The following TCF12 variants were observed in gnomAD, a reference collection of about 807,000 sequenced individuals.
TCF12 encodes the protein transcription factor 12.
TCF12 carries 45 observed loss-of-function variants against 86.0 expected under a neutral mutation model. That is an observed-to-expected ratio of 0.52 (90% CI 0.41 to 0.67). The LOEUF (loss-of-function observed/expected upper bound fraction) is 0.67. Ranked by LOEUF, TCF12 falls within the 30% of genes least tolerant of loss-of-function variation. The pLI is 0.00. For synonymous variants in TCF12, 330 were observed against 299.6 expected, an observed-to-expected ratio of 1.10 and a Z score of -1.05; for missense variants, 881 against 859.9, an observed-to-expected ratio of 1.02 and a Z score of -0.31.
intron 3 of TCF12, among the ~76,000 whole-genome samples, chr15:56,958,947 T>C (rs1470168195): frequency 6.6e-6 from 1 of 152,194 alleles, no homozygotes; most frequent in African/African-American, 2.4e-5. Flanking sequence ...ATTGTGAAAC[T>C]GGAAATGAGT....
intron 5 of TCF12, among the ~76,000 whole-genome samples, chr15:57,106,612 C>T (rs1292113328): frequency 6.6e-6 from 1 of 151,850 alleles, no homozygotes; most frequent in African/African-American, 2.4e-5. Context: ...GTAAATTGCT[C>T]AAGGTAATGA....
At chr15:57,033,695 A>G (rs1440041983) in intron 3 of TCF12, among the ~76,000 whole-genome samples, 1 of 152,200 alleles carries the variant, frequency 6.6e-6, no homozygotes, top group Non-Finnish European at 1.5e-5. Flanking sequence ...TTCTACGTAT[A>G]GAATTTTATG....
intron 3 of TCF12, among the ~76,000 whole-genome samples, chr15:56,938,175 CT>C (rs1322977821): frequency 7.3e-6 from 1 of 137,322 alleles, no homozygotes; most frequent in African/African-American, 2.7e-5. Context: ...TTTTTCTTCT[CT>C]TTTTTTCTTT....
chr15:57,073,975 C>CT (rs1244837541), intron 4 of TCF12, among the ~76,000 whole-genome samples: 1 of 152,124 alleles, frequency 6.6e-6, no homozygotes, highest in African/African-American at 2.4e-5. Context: ...TGGTCTCGAT[C>CT]TCCTGACCTC....
intron 3 of TCF12, among the ~76,000 whole-genome samples, chr15:56,961,962 C>G (rs543129663): frequency 6.6e-6 from 1 of 151,750 alleles, no homozygotes; most frequent in East Asian, 1.9e-4. Context: ...AACCCCGTCT[C>G]TACTAAAAAT....
intron 4 of TCF12, among the ~76,000 whole-genome samples, chr15:57,089,366 T>A (rs1326371513): frequency 6.6e-6 from 1 of 152,146 alleles, no homozygotes; most frequent in East Asian, 1.9e-4. Context: ...AACTCTTGCT[T>A]GTATTTGAGG....
rs932565797 is a variant in TCF12, at chr15:57,211,696, G to A, written c.579+13871G>A. Among the ~76,000 whole-genome samples, 7 of 152,218 alleles carry A rather than the reference G, an allele frequency of 4.6e-5. No homozygotes were observed. In the South Asian group the frequency reaches 1.4e-3, roughly 31 times the overall value. On this transcript the variant is annotated intron_variant, in intron 8 of 20. Transcript: ENST00000333725. The stretch of plus-strand genomic sequence containing the variant: ...AGGCTGGGCATGGTGGCCCATGCCT[G>A]TAATCTCAGCACTTTGGGAAGTCGA...
chr15:56,958,341 C>CT (rs1211271526), intron 3 of TCF12, among the ~76,000 whole-genome samples: 1 of 152,106 alleles, frequency 6.6e-6, no homozygotes, highest in Non-Finnish European at 1.5e-5. Flanking sequence ...GATGACTGTC[C>CT]TTTGTTGCCT....
At chr15:56,920,694 C>T (rs2059752613) in intron 2 of TCF12, among the ~76,000 whole-genome samples, 2 of 151,990 alleles carry the variant, frequency 1.3e-5, no homozygotes, top group Non-Finnish European at 1.5e-5. Flanking sequence ...ATAATTCTGA[C>T]TGTGTATATT....
At chr15:57,009,921 G>A (rs1428359172) in intron 3 of TCF12, among the ~76,000 whole-genome samples, 1 of 152,104 alleles carries the variant, frequency 6.6e-6, no homozygotes, top group Non-Finnish European at 1.5e-5. Flanking sequence ...GATGAAATAA[G>A]GTATTTGGAT....
intron 3 of TCF12, among the ~76,000 whole-genome samples, chr15:56,925,294 A>G (rs1161734575): frequency 2.4e-5 from 3 of 126,380 alleles, no homozygotes; most frequent in East Asian, 2.6e-4. Flanking sequence ...TGGATTTGAA[A>G]AACAATTTGA....
chr15:57,049,401 A>G (rs1260545279), intron 3 of TCF12, among the ~76,000 whole-genome samples: 2 of 151,992 alleles, frequency 1.3e-5, no homozygotes, highest in East Asian at 1.9e-4. Context: ...CCAAACAACC[A>G]TTGTTTTGAT....
chr15:56,969,342 A>G (rs1477221960), intron 3 of TCF12, among the ~76,000 whole-genome samples: 2 of 152,124 alleles, frequency 1.3e-5, no homozygotes, highest in East Asian at 3.9e-4. Context: ...GAGACTACAG[A>G]AGATGTGATT....
intron 17 of TCF12, 148 bp from the exon 18 acceptor site, chr15:57,262,964 A>G (rs1396298585): frequency 4.0e-6 from 3 of 747,298 alleles, no homozygotes; most frequent in Non-Finnish European, 6.3e-6. Context: ...TCAGCTCTAA[A>G]TAGTATACTT....
At chr15:57,221,739 G>T (rs1326333337) in intron 8 of TCF12, among the ~76,000 whole-genome samples, 1 of 152,010 alleles carries the variant, frequency 6.6e-6, no homozygotes, top group Non-Finnish European at 1.5e-5. Flanking sequence ...AGACTTGTAT[G>T]TATTTTATTT....
chr15:57,138,425 T>C (rs2052712664), intron 5 of TCF12, among the ~76,000 whole-genome samples: 1 of 152,196 alleles, frequency 6.6e-6, no homozygotes, highest in South Asian at 2.1e-4. Context: ...CTTAAAACCT[T>C]CAGAAGTCAT....
intron 8 of TCF12, among the ~76,000 whole-genome samples, chr15:57,198,346 G>A (rs1413842997): frequency 6.6e-6 from 1 of 152,100 alleles, no homozygotes; most frequent in African/African-American, 2.4e-5. Flanking sequence ...GGGTTTTAAA[G>A]CCTTCATTAA....
chr15:57,174,528 T>A (rs1298574006), intron 6 of TCF12, among the ~76,000 whole-genome samples: 2 of 152,218 alleles, frequency 1.3e-5, no homozygotes, highest in South Asian at 4.1e-4. Context: ...TTCTCATCAT[T>A]TTATGTTTTG....
At chr15:56,961,698 G>T (rs1329014868) in intron 3 of TCF12, among the ~76,000 whole-genome samples, 1 of 152,146 alleles carries the variant, frequency 6.6e-6, no homozygotes, top group Non-Finnish European at 1.5e-5. Context: ...ATACAGCATG[G>T]TAAAAAAGTA....
Sources: allele counts gnomAD v4.1 joint callset (sites outside exome capture counted in the v4.1 genomes callset), GRCh38; gene constraint gnomAD v4.1.1; transcripts MANE v1.5; gene names NCBI Gene and HGNC (gene_info 2026-07-23, HGNC 2026-07-21).